The following XPC variants were observed in gnomAD, a reference collection of about 807,000 sequenced individuals.
XPC encodes the protein DNA repair protein complementing XP-C cells.
XPC carries 76 observed loss-of-function variants against 95.8 expected under a neutral mutation model. The observed-to-expected ratio is 0.79, with a 90% CI of 0.66 to 0.96. XPC has a LOEUF of 0.96. XPC is among the 40% of genes least tolerant of loss of function. The pLI is 0.00. For synonymous variants in XPC, 442 were observed against 442.1 expected (o/e 1.00, Z 0.00); for missense variants, 1,146 against 1,179.8 (o/e 0.97, Z 0.42).
intron 11 of XPC, among the ~76,000 whole-genome samples, chr3:14,149,173 T>C (rs892920158): frequency 6.6e-6 from 1 of 151,902 alleles, no homozygotes; most frequent in African/African-American, 2.4e-5. Context: ...AACCTCTGCC[T>C]CCTGGGTTTA....
rs1451876159 is a variant in XPC at position 14,152,288 on chromosome 3, C to T, written c.2115+47G>A. On this transcript the variant is annotated intron_variant, in intron 11 of 15. Coordinates refer to ENST00000285021, the MANE Select transcript of XPC (RefSeq NM_004628.5). ...TGCCCCCAGCTCTCCCGCTCAGCTA[C>T]AGGCCTGTGTCACCACTCCCCACAG... The T allele has an allele frequency of 2.6e-6, 4 of 1,556,300 alleles. No homozygotes were observed. The African/African-American group carries it at 4.1e-5, about 16-fold the overall frequency.
Position 14,164,810 on chromosome 3 carries a change from T to G in XPC, c.900+3A>C. ...AAAACAGTGATCCGGGAGGATCACTTACATGGACCAATTCCTCATCATCTC... is the reference window on the plus strand; with the variant it reads ...AAAACAGTGATCCGGGAGGATCACTGACATGGACCAATTCCTCATCATCTC... On this transcript the variant is annotated splice_donor_region_variant and intron_variant, in intron 7 of 15. Transcript: ENST00000285021. 6.2e-7 allele frequency: 1 copy of G among 1,612,962 alleles called. No individual in the cohort carries two copies. The highest frequency in any genetic ancestry group is 2.2e-5 in the East Asian group (1 of 44,816).
intron 12 of XPC, 21 bp downstream of exon 12, chr3:14,148,793 C>T: frequency 6.2e-7 from 1 of 1,613,772 alleles, no homozygotes; most frequent in Non-Finnish European, 8.5e-7. Context: ...TGGTCCTGAG[C>T]CCTTCTGATG....
chr3:14,158,863 A>G lies in XPC; in HGVS notation c.1020T>C (p.Thr340=). 1.9e-6 allele frequency: 3 copies of G among 1,613,964 alleles called. No homozygotes were observed. The highest frequency in any genetic ancestry group is 2.5e-6 in the Non-Finnish European group (3 of 1,179,870). The change falls in exon 9 of 16, where the codon ACT becomes ACC. Residue 340 remains threonine (T), a synonymous_variant. Transcript: ENST00000285021. The surrounding 1 kb of genome is among the most constrained non-coding windows in gnomAD (Gnocchi z 5.2). The stretch of plus-strand genomic sequence containing the variant: ...TTTCTGAGGAGCCTCCTGGATCCGC[A>G]GTCAATCTTTCCTTGGAAGGTTTCT... ...KGKKPSKERL[T]ADPGGSSETS... is the part of the protein sequence containing the mutation.
chr3:14,161,166 C>G (rs1373422407), intron 7 of XPC, among the ~76,000 whole-genome samples: 3 of 152,168 alleles, frequency 2.0e-5, no homozygotes, highest in African/African-American at 7.2e-5. Flanking sequence ...CTGAACAGAT[C>G]TGTAATAACA....
At position 14,171,697 on chromosome 3, in the gene XPC, G is replaced by T. The variant is rs575765900; in HGVS notation, c.300-1147C>A. 2.4e-3 allele frequency among the ~76,000 whole-genome samples: 360 copies of T among 152,216 alleles called. 2 individuals carry two copies. The highest frequency in any genetic ancestry group is 0.017 in the Middle Eastern group (5 of 294). Reference sequence around the variant, plus strand: ...CTAAAAATACAAAAATTAGCTGGGCGTGGTGGTGGGCACCTACAGTCCCAG... The same window carrying T: ...CTAAAAATACAAAAATTAGCTGGGCTTGGTGGTGGGCACCTACAGTCCCAG... On this transcript the variant is annotated intron_variant, in intron 2 of 15. Transcript: ENST00000285021.
intron 13 of XPC, 131 bp downstream of exon 13, chr3:14,148,431 G>A: frequency 1.6e-6 from 2 of 1,283,078 alleles, no homozygotes; most frequent in Non-Finnish European, 2.1e-6. Flanking sequence ...TGCAAATCCA[G>A]TGTAACATCC....
chr3:14,178,104 G>A (rs570905963), intron 1 of XPC, among the ~76,000 whole-genome samples: 2 of 152,354 alleles, frequency 1.3e-5, no homozygotes, highest in South Asian at 4.1e-4. Context: ...GTTATCATTC[G>A]GGAGTCAGCA....
intron 11 of XPC, 46 bp downstream of exon 11, chr3:14,152,289 A>G (rs1466752584): frequency 6.4e-7 from 1 of 1,555,916 alleles, no homozygotes; most frequent in East Asian, 2.3e-5. Context: ...GCTCAGCTAC[A>G]GGCCTGTGTC....
intron 7 of XPC, among the ~76,000 whole-genome samples, chr3:14,163,944 G>A (rs1696266096): frequency 6.6e-6 from 1 of 152,172 alleles, no homozygotes; most frequent in Non-Finnish European, 1.5e-5. Flanking sequence ...AGCTACTCGC[G>A]AGGCTGAGGC....
intron 1 of XPC, among the ~76,000 whole-genome samples, chr3:14,174,826 T>C (rs750532021): frequency 6.6e-6 from 1 of 152,152 alleles, no homozygotes; most frequent in Non-Finnish European, 1.5e-5. Context: ...TATTTCTGGA[T>C]GGCAGAAATA....
At chr3:14,172,399 A>C (rs1037963784) in intron 2 of XPC, among the ~76,000 whole-genome samples, 4 of 152,194 alleles carry the variant, frequency 2.6e-5, no homozygotes, top group Non-Finnish European at 5.9e-5. Flanking sequence ...TGCATCTTCA[A>C]GATGGAAGCC....
chr3:14,157,981 T>C, intron 9 of XPC, 30 bp downstream of exon 9: 2 of 1,572,666 alleles, frequency 1.3e-6, no homozygotes, highest in Non-Finnish European at 1.7e-6. Context: ...CCTGACTGTG[T>C]CTTGGAGCCC....
At chr3:14,168,663 C>A (rs1287414189) in intron 3 of XPC, among the ~76,000 whole-genome samples, 3 of 151,416 alleles carry the variant, frequency 2.0e-5, no homozygotes, top group Admixed American at 6.6e-5. Context: ...AGATACAGAC[C>A]CCTCTATCAA....
intron 11 of XPC, chr3:14,150,043 A>G (rs1695624674): frequency 6.6e-6 from 1 of 152,276 alleles, no homozygotes; most frequent in South Asian, 2.1e-4. Context: ...ACTGTCCATC[A>G]GTAGAGCCTG....
In XPC at chr3:14,158,236, G is replaced by A. The variant is rs190103795; in HGVS notation, c.1647C>T (p.His549=). The A allele has an allele frequency of 4.9e-5, 79 of 1,613,928 alleles. No individual in the cohort carries two copies. The Middle Eastern group carries it at 4.9e-4, about 10-fold the overall frequency. The change falls in exon 9 of 16, where the codon CAC becomes CAT. Residue 549 remains histidine, a synonymous_variant. Transcript: ENST00000285021. This position sits in a 1 kb window ranked among gnomAD's most constrained non-coding sequence, Gnocchi z 5.2. Reference sequence around the variant, plus strand: ...AGGTCAGAGGCTGGCCCACCACACCGTGCACACAGTCTACACATACCCACT... The same window carrying A: ...AGGTCAGAGGCTGGCCCACCACACCATGCACACAGTCTACACATACCCACT... ...EEKWVCVDCV[H]GVVGQPLTCY... is the part of the protein sequence containing the mutation.
intron 3 of XPC, among the ~76,000 whole-genome samples, chr3:14,168,745 C>G (rs1014111329): frequency 6.6e-6 from 1 of 151,840 alleles, no homozygotes; most frequent in African/African-American, 2.4e-5. Context: ...TGAGAATAAT[C>G]TCCTTTTCTC....
At position 14,159,731 on chromosome 3, in the gene XPC, C is replaced by A. The variant is rs558239934; in HGVS notation, c.990+10G>T. ...TTGCTCCTCTTCTCTGGCAGCCCTG[C>A]GCACCTCACCTTTGCTGTTGCTGAC... On this transcript the variant is annotated intron_variant, in intron 8 of 15. Coordinates refer to ENST00000285021, the MANE Select transcript of XPC (RefSeq NM_004628.5). 6 of 1,556,490 alleles carry A rather than the reference C, an allele frequency of 3.9e-6. No homozygotes were observed. The highest frequency in any genetic ancestry group is 3.6e-5 in the South Asian group (3 of 84,230).
chr3:14,152,443 G>A (rs1035685011), intron 10 of XPC, 27 bp from the exon 11 acceptor site: 3 of 1,595,180 alleles, frequency 1.9e-6, no homozygotes, highest in Non-Finnish European at 2.6e-6. Context: ...GGACACAAAG[G>A]TAACTCAGTC....
Sources: gnomAD v4.1 joint callset for allele counts (sites outside exome capture counted in the v4.1 genomes callset) on GRCh38, gnomAD v4.1.1 for gene constraint, Gnocchi (gnomAD v3.1) non-coding constraint, MANE v1.5 for transcripts, NCBI Gene and HGNC (gene_info 2026-07-23, HGNC 2026-07-21) for gene names.